ZNF787: variants seen among roughly 807,000 people sequenced by gnomAD.
The protein encoded by ZNF787 is zinc finger protein 787.
A neutral mutation model predicts 16.9 loss-of-function variants in ZNF787; 7 were observed. The ratio of observed to expected loss-of-function variants is 0.42; its 90% CI spans 0.24 to 0.78. The LOEUF (loss-of-function observed/expected upper bound fraction) is 0.78, where lower values mean the gene tolerates loss of function less well. ZNF787 is among the 30% of genes least tolerant of loss of function. The probability of loss-of-function intolerance (pLI) is 0.30; values close to 1 mark genes in which losing one functional copy is unlikely to be tolerated. For synonymous variants in ZNF787, 345 were observed against 270.9 expected (o/e 1.27, Z -2.69); for missense variants, 551 against 589.3 (o/e 0.94, Z 0.67).
At chr19:56,107,341 G>C (rs1986363860) in intron 1 of ZNF787, among the ~76,000 whole-genome samples, 1 of 152,156 alleles carries the variant, frequency 6.6e-6, no homozygotes, top group Admixed American at 6.5e-5. Flanking sequence ...CTCAGAAACT[G>C]TGTTCAAATC....
intron 1 of ZNF787, among the ~76,000 whole-genome samples, chr19:56,114,711 A>G (rs923431379): frequency 6.6e-6 from 1 of 151,826 alleles, no homozygotes; most frequent in African/African-American, 2.4e-5. Flanking sequence ...TATCACTTCT[A>G]TTGGTATTTC....
At chr19:56,107,654 G>C (rs1315518669) in intron 1 of ZNF787, among the ~76,000 whole-genome samples, 1 of 152,020 alleles carries the variant, frequency 6.6e-6, no homozygotes, top group South Asian at 2.1e-4. Context: ...AAGCACACGG[G>C]GAGGGGGGCC....
chr19:56,120,865 C>A, intron 1 of ZNF787, among the ~76,000 whole-genome samples: 1 of 142,752 alleles, frequency 7.0e-6, no homozygotes, highest in Non-Finnish European at 1.6e-5. Flanking sequence ...CCTGCCCCCG[C>A]CACGCGCACG....
rs557037530 is a variant in ZNF787, at chr19:56,088,104, G to A, written c.1068C>T (p.Arg356=). The change falls in exon 3 of 3, where the codon CGC becomes CGT. Residue 356 remains arginine (R), a synonymous_variant. Coordinates refer to ENST00000610935, the MANE Select transcript of ZNF787 (RefSeq NM_001002836.4). This position sits in a 1 kb window ranked among gnomAD's most constrained non-coding sequence, Gnocchi z 8.6. ...CGTCGTCCTCCTCCTCCCCGCCCGC[G>A]CGGTAGTAGCTCTGTCCGCAGCTGC... ...VCSSCGQSYY[R]AGGEEEDDDD... 2.7e-6 allele frequency: 4 copies of A among 1,508,398 alleles called. No homozygotes were observed. The highest frequency in any genetic ancestry group is 2.9e-5 in the East Asian group (1 of 34,832). The allele number at this position is 1,508,398 out of a possible 1,614,324, so 93.4% of individuals were successfully genotyped here.
chr19:56,117,483 C>A (rs951302701), intron 1 of ZNF787, among the ~76,000 whole-genome samples: 1 of 151,720 alleles, frequency 6.6e-6, no homozygotes, highest in Non-Finnish European at 1.5e-5. Context: ...GTGGCTAGTA[C>A]AATCTCACAC....
rs977849558 is a variant in ZNF787, at chr19:56,087,887, G to A, written c.*136C>T. 6 of 1,261,286 alleles carry A rather than the reference G, an allele frequency of 4.8e-6. No individual in the cohort carries two copies. The African/African-American group carries it at 7.9e-5, about 17-fold the overall frequency. The allele number at this position is 1,261,286 out of a possible 1,614,324, so 78.1% of individuals were successfully genotyped here. ...CCCCCCCACGGACGGCGCAGGGACA[G>A]AGGAGGGCGGGGAGCCGGGGATGCC... On this transcript the variant is annotated 3_prime_UTR_variant, in exon 3 of 3. Transcript: ENST00000610935.
intron 2 of ZNF787, among the ~76,000 whole-genome samples, chr19:56,096,829 C>G (rs562497131): frequency 1.3e-5 from 2 of 152,202 alleles, no homozygotes; most frequent in African/African-American, 4.8e-5. Context: ...TGTAAGACAC[C>G]GGCTGAAGCT....
At chr19:56,117,623 C>T (rs928842280) in intron 1 of ZNF787, among the ~76,000 whole-genome samples, 2 of 152,264 alleles carry the variant, frequency 1.3e-5, no homozygotes, top group South Asian at 2.1e-4. Flanking sequence ...TCTTGGACAA[C>T]GGCATTTGTC....
At chr19:56,090,768 G>C (rs1163727272) in intron 2 of ZNF787, among the ~76,000 whole-genome samples, 1 of 152,236 alleles carries the variant, frequency 6.6e-6, no homozygotes, top group Non-Finnish European at 1.5e-5. Context: ...GTTGCAGTGA[G>C]CTGAGATCAC....
intron 1 of ZNF787, among the ~76,000 whole-genome samples, chr19:56,117,849 G>A (rs1284456050): frequency 6.6e-6 from 1 of 152,212 alleles, no homozygotes; most frequent in African/African-American, 2.4e-5. Flanking sequence ...TGGACCCTGG[G>A]CTGAGGCAAG....
Position 56,088,137 on chromosome 19 carries a change from C to T in ZNF787, c.1035G>A (p.Ser345=), listed in dbSNP as rs757133525. 1.1e-4 allele frequency: 169 copies of T among 1,552,610 alleles called. No individual in the cohort carries two copies. Among genetic ancestry groups the T allele is most frequent in the Non-Finnish European group, 1.4e-4 (167 of 1,154,924 alleles). ...AGCTCTGTCCGCAGCTGCTGCAGACCGAGGGCGCGCCCACCGCGTGGATCT... is the reference window on the plus strand; with the variant it reads ...AGCTCTGTCCGCAGCTGCTGCAGACTGAGGGCGCGCCCACCGCGTGGATCT... The part of the protein sequence containing the change: ...HKKIHAVGAP[S]VCSSCGQSYY... The change falls in exon 3 of 3, where the codon TCG becomes TCA. Residue 345 remains serine, a synonymous_variant. Coordinates refer to ENST00000610935, the MANE Select transcript of ZNF787 (RefSeq NM_001002836.4). This position sits in a 1 kb window ranked among gnomAD's most constrained non-coding sequence, Gnocchi z 8.6.
chr19:56,108,900 GAGGCTACCGAC>G (rs934503258), intron 1 of ZNF787, among the ~76,000 whole-genome samples: 6 of 152,174 alleles, frequency 3.9e-5, no homozygotes, highest in Non-Finnish European at 8.8e-5. Context: ...TACCTCTCCA[GAGGCTACCGAC>G]AGGAAAGCCC....
chr19:56,106,263 C>G (rs1248393156), intron 1 of ZNF787, among the ~76,000 whole-genome samples: 1 of 152,226 alleles, frequency 6.6e-6, no homozygotes, highest in African/African-American at 2.4e-5. Context: ...GGCGTGCCAG[C>G]GTGTCGCTCC....
chr19:56,095,853 C>CCTGCAGGCTGTCTGTGGCTCTCCT (rs1985848513), intron 2 of ZNF787, among the ~76,000 whole-genome samples: 1 of 152,176 alleles, frequency 6.6e-6, no homozygotes, highest in African/African-American at 2.4e-5. Flanking sequence ...GCAGTGAAGA[C>CCTGCAGGCTGTCTGTGGCTCTCCT]CTGCAGGCTG....
rs62122403 is a variant in ZNF787 at position 56,088,002 on chromosome 19, C to G, written c.*21G>C. On this transcript the variant is annotated 3_prime_UTR_variant, in exon 3 of 3. Transcript: ENST00000610935. This position sits in a 1 kb window ranked among gnomAD's most constrained non-coding sequence, Gnocchi z 8.6. ...GCCAAGCCCGAGGGGCCCTGCCCGC[C>G]CCCCCCCCCGGGCCCCTCCCCTACC... The G allele has an allele frequency of 2.4e-4, 11 of 45,504 alleles. No homozygotes were observed. The highest frequency in any genetic ancestry group is 4.8e-4 in the South Asian group (1 of 2,068). The allele number at this position is 45,504 out of a possible 1,614,324, so 2.8% of individuals were successfully genotyped here.
intron 1 of ZNF787, among the ~76,000 whole-genome samples, chr19:56,120,516 G>A (rs1283565931): frequency 6.6e-6 from 1 of 152,238 alleles, no homozygotes; most frequent in Non-Finnish European, 1.5e-5. Context: ...TGCCGAGCAA[G>A]GACGAATGAA....
At chr19:56,107,973 G>A (rs191695012) in intron 1 of ZNF787, among the ~76,000 whole-genome samples, 83 of 152,220 alleles carry the variant, frequency 5.5e-4, no homozygotes, top group African/African-American at 1.8e-3. Context: ...CACCTGAAGC[G>A]CAGGGGACCC....
At chr19:56,092,983 G>A (rs547386454) in intron 2 of ZNF787, among the ~76,000 whole-genome samples, 2 of 151,808 alleles carry the variant, frequency 1.3e-5, no homozygotes, top group Admixed American at 1.3e-4. Flanking sequence ...ACGAGATGGC[G>A]GAAGTGGGAT....
intron 2 of ZNF787, among the ~76,000 whole-genome samples, chr19:56,096,237 A>AAAAAAATAAAAAAGT (rs374168080): frequency 1.0e-5 from 1 of 100,238 alleles, no homozygotes; most frequent in Admixed American, 9.1e-5. Context: ...CTAAAAAAAT[A>AAAAAAATAAAAAAGT]AAAAAAATAA....
Sources: gnomAD v4.1 joint callset for allele counts (sites outside exome capture counted in the v4.1 genomes callset) on GRCh38, gnomAD v4.1.1 for gene constraint, Gnocchi (gnomAD v3.1) non-coding constraint, MANE v1.5 for transcripts, NCBI Gene and HGNC (gene_info 2026-07-23, HGNC 2026-07-21) for gene names.